The following SLC14A2 variants were observed in gnomAD, a reference collection of about 807,000 sequenced individuals.
SLC14A2 encodes solute carrier family 14 member 2, also known as urea transporter 2.
SLC14A2 carries 91 observed loss-of-function variants against 104.6 expected under a neutral mutation model. The ratio of observed to expected loss-of-function variants is 0.87; its 90% confidence interval spans 0.73 to 1.04. SLC14A2 has a LOEUF of 1.04. SLC14A2 is among the 50% of genes least tolerant of loss of function. The pLI, the probability that SLC14A2 is intolerant of heterozygous loss-of-function variation, is 0.00. For missense variants in SLC14A2, 1,189 were observed against 1,156.0 expected (o/e 1.03, Z -0.41); for synonymous variants, 476 against 466.4 (o/e 1.02, Z -0.27).
chr18:45,427,052 A>G (rs1176896173), intron 1 of SLC14A2, among the ~76,000 whole-genome samples: 1 of 152,052 alleles, frequency 6.6e-6, no homozygotes, highest in Non-Finnish European at 1.5e-5. Context: ...GGCTTATTTG[A>G]CCCAGTTAAC....
intron 2 of SLC14A2, among the ~76,000 whole-genome samples, chr18:45,484,209 G>C (rs941793788): frequency 1.3e-5 from 2 of 152,276 alleles, no homozygotes; most frequent in East Asian, 1.9e-4. Context: ...GGTTGATTGG[G>C]AAGGAGAAAA....
Position 45,644,040 on chromosome 18 carries a change from C to T in SLC14A2, c.1231C>T (p.Leu411Phe), listed in dbSNP as rs139770269. The T allele has an allele frequency of 1.9e-6, 3 of 1,614,232 alleles. No homozygotes were observed. Among genetic ancestry groups the T allele is most frequent in the Non-Finnish European group, 1.7e-6 (2 of 1,180,024 alleles). Residue 411 changes from leucine to phenylalanine, a missense_variant, in exon 10 of 20, where the codon CTC (leucine) becomes TTC (phenylalanine). Transcript: ENST00000255226. ...CTGCCTTGCCACCATCATCTTCCTG[C>T]TCCTGACGACAAACAACCCAGCCAT... is the stretch of plus-strand genomic sequence containing the variant. ...AFCLATIIFL[L>F]LTTNNPAIFR...
At chr18:45,590,565 T>C (rs1002796637) in intron 2 of SLC14A2, among the ~76,000 whole-genome samples, 1 of 152,186 alleles carries the variant, frequency 6.6e-6, no homozygotes, top group East Asian at 1.9e-4. Context: ...GAGTTTGTCT[T>C]GCAGAAAGCC....
At chr18:45,511,658 GTC>G (rs2043367258) in intron 2 of SLC14A2, among the ~76,000 whole-genome samples, 1 of 152,182 alleles carries the variant, frequency 6.6e-6, no homozygotes, top group Non-Finnish European at 1.5e-5. Context: ...ATGAGCTGGG[GTC>G]TCAGGTGTAT....
At chr18:45,399,703 G>T (rs1397430008) in intron 1 of SLC14A2, among the ~76,000 whole-genome samples, 1 of 152,014 alleles carries the variant, frequency 6.6e-6, no homozygotes, top group Non-Finnish European at 1.5e-5. Context: ...TACTTTTTCA[G>T]ATCTTTCTTC....
At chr18:45,505,407 A>G (rs1311450369) in intron 2 of SLC14A2, among the ~76,000 whole-genome samples, 4 of 152,260 alleles carry the variant, frequency 2.6e-5, no homozygotes, top group Admixed American at 6.5e-5. Flanking sequence ...GGGAAAATGG[A>G]ACCAAAAAAG....
the SLC14A2 span, among the ~76,000 whole-genome samples, chr18:45,174,896 A>C: frequency 6.6e-6 from 1 of 152,188 alleles, no homozygotes; most frequent in Non-Finnish European, 1.5e-5. Flanking sequence ...TAATAAGGGA[A>C]ATGGAAATGA....
chr18:45,618,977 A>G (rs758947388), intron 1 of SLC14A2, among the ~76,000 whole-genome samples: 59 of 152,328 alleles, frequency 3.9e-4, no homozygotes, highest in Admixed American at 3.3e-4. Context: ...GAATTTCAAA[A>G]TTAGTACAAT....
At chr18:45,268,362 A>C (rs1455102840) in intron 1 of SLC14A2, among the ~76,000 whole-genome samples, 1 of 152,230 alleles carries the variant, frequency 6.6e-6, no homozygotes, top group Non-Finnish European at 1.5e-5. Flanking sequence ...TATAAAAGTT[A>C]AATAGAAATG....
At chr18:45,432,088 G>T (rs563797945) in intron 1 of SLC14A2, among the ~76,000 whole-genome samples, 1 of 152,152 alleles carries the variant, frequency 6.6e-6, no homozygotes, top group African/African-American at 2.4e-5. Flanking sequence ...ACAATGCCTC[G>T]TTTGAATATT....
At chr18:45,493,980 G>A (rs1049536425) in intron 2 of SLC14A2, among the ~76,000 whole-genome samples, 1 of 152,168 alleles carries the variant, frequency 6.6e-6, no homozygotes, top group African/African-American at 2.4e-5. Flanking sequence ...CTACATTCCT[G>A]CCAAATCATG....
At chr18:45,601,482 T>G (rs2044790658) in intron 2 of SLC14A2, among the ~76,000 whole-genome samples, 1 of 152,184 alleles carries the variant, frequency 6.6e-6, no homozygotes, top group Non-Finnish European at 1.5e-5. Context: ...GGCCACATAG[T>G]AAGAAAGGGA....
At chr18:45,359,287 T>G (rs968794261) in intron 1 of SLC14A2, among the ~76,000 whole-genome samples, 2 of 151,814 alleles carry the variant, frequency 1.3e-5, no homozygotes, top group Non-Finnish European at 2.9e-5. Flanking sequence ...GAGTTTGGGG[T>G]CAGACTGTGA....
At chr18:45,405,258 C>A (rs1404859430) in intron 1 of SLC14A2, among the ~76,000 whole-genome samples, 2 of 152,044 alleles carry the variant, frequency 1.3e-5, no homozygotes, top group African/African-American at 4.8e-5. Context: ...TTCTGATATC[C>A]AAAAAGCACA....
At chr18:45,431,909 C>A (rs2086521844) in intron 1 of SLC14A2, among the ~76,000 whole-genome samples, 1 of 152,126 alleles carries the variant, frequency 6.6e-6, no homozygotes, top group Non-Finnish European at 1.5e-5. Context: ...GAACCCTTGG[C>A]CTTTGGAGGG....
intron 1 of SLC14A2, among the ~76,000 whole-genome samples, chr18:45,385,773 G>A (rs983842012): frequency 2.0e-5 from 3 of 152,080 alleles, no homozygotes; most frequent in African/African-American, 7.2e-5. Context: ...CAAAGTACAC[G>A]GTTTGAAAGA....
chr18:45,518,825 C>T (rs1217478970), intron 2 of SLC14A2, among the ~76,000 whole-genome samples: 2 of 152,158 alleles, frequency 1.3e-5, no homozygotes, highest in Admixed American at 1.3e-4. Context: ...AGAGGGCCAC[C>T]TTAGCTCCTT....
At chr18:45,395,991 T>C (rs1036827249) in intron 1 of SLC14A2, among the ~76,000 whole-genome samples, 3 of 152,178 alleles carry the variant, frequency 2.0e-5, no homozygotes, top group Admixed American at 2.0e-4. Flanking sequence ...AACACTATAC[T>C]ACTAATTGCA....
intron 1 of SLC14A2, among the ~76,000 whole-genome samples, chr18:45,336,837 C>T (rs2144272302): frequency 1.3e-5 from 2 of 152,316 alleles, no homozygotes; most frequent in South Asian, 4.1e-4. Context: ...AGCCCAAATG[C>T]ATGGAGGCTC....
Sources: gnomAD v4.1 joint callset for allele counts (sites outside exome capture counted in the v4.1 genomes callset) on GRCh38, gnomAD v4.1.1 for gene constraint, MANE v1.5 for transcripts, NCBI Gene and HGNC (gene_info 2026-07-23, HGNC 2026-07-21) for gene names.